Variants in SMYD3 observed in about 807,000 individuals in gnomAD.
SMYD3 encodes the protein SET and MYND domain containing 3, also known as histone-lysine N-methyltransferase SMYD3.
In SMYD3, 36 loss-of-function variants were observed where a neutral mutation model predicts 57.7. The ratio of observed to expected loss-of-function variants is 0.62; its 90% confidence interval spans 0.48 to 0.82. SMYD3 has a LOEUF of 0.82. Among genes scored for constraint, SMYD3 ranks in the 40% least tolerant of loss-of-function variants. The probability of loss-of-function intolerance (pLI) is 0.00; values close to 1 mark genes in which losing one functional copy is unlikely to be tolerated. For missense variants in SMYD3, 515 were observed against 538.8 expected (o/e 0.96, Z 0.44); for synonymous variants, 211 against 195.0 (o/e 1.08, Z -0.68).
intron 1 of SMYD3, among the ~76,000 whole-genome samples, chr1:246,377,097 AAAT>A (rs150240155): frequency 6.6e-6 from 1 of 152,080 alleles, no homozygotes; most frequent in Non-Finnish European, 1.5e-5. Flanking sequence ...CTTTGTCTCA[AAAT>A]AATAATAATA....
intron 5 of SMYD3, among the ~76,000 whole-genome samples, chr1:246,182,268 T>C (rs1250157296): frequency 6.6e-6 from 1 of 152,036 alleles, no homozygotes; most frequent in Non-Finnish European, 1.5e-5. Context: ...CTCCTCGCCA[T>C]CTCCCTTCCT....
At chr1:245,908,369 C>T (rs1258657749) in intron 8 of SMYD3, among the ~76,000 whole-genome samples, 2 of 152,142 alleles carry the variant, frequency 1.3e-5, no homozygotes, top group Non-Finnish European at 2.9e-5. Context: ...ATTATTAGGG[C>T]TAAATAGACA....
Position 245,749,600 on chromosome 1 carries a change from A to C in SMYD3, c.1250T>G (p.Leu417Arg), listed in dbSNP as rs1331325646. ...EHSLIEDLILLLEECDANIRA... is the reference protein window; with the variant it reads ...EHSLIEDLILRLEECDANIRA... ...GATGTTGGCGTCGCATTCTTCTAAA[A>C]GTAGAATCAAATCTTCAATCAGGCT... The change falls in exon 12 of 12, where the codon CTT (leucine) becomes CGT (arginine). Residue 417 changes from leucine (L) to arginine (R), a missense_variant. Physicochemically the swap from Leu to Arg is moderately radical, Grantham distance 102. Coordinates refer to ENST00000490107, the MANE Select transcript of SMYD3 (RefSeq NM_001167740.2). 6.2e-7 allele frequency: 1 copy of C among 1,614,060 alleles called. No homozygotes were observed. Among genetic ancestry groups the C allele is most frequent in the African/African-American group, 1.3e-5 (1 of 74,932 alleles).
Position 246,469,771 on chromosome 1 carries a change from T to C in SMYD3, c.164+37283A>G, listed in dbSNP as rs181504400. 2.8e-4 allele frequency among the ~76,000 whole-genome samples: 43 copies of C among 152,204 alleles called. No individual in the cohort carries two copies. In the East Asian group the frequency reaches 7.7e-3, roughly 27 times the overall value. ...CAATCAATAATAGATGTTAACTCTA[T>C]GGAGGAAAAAAAACTGACGAGGAAT... On this transcript the variant is annotated intron_variant, in intron 1 of 11. Transcript: ENST00000490107.
chr1:246,029,080 G>A (rs2059623663), intron 5 of SMYD3, among the ~76,000 whole-genome samples: 1 of 152,068 alleles, frequency 6.6e-6, no homozygotes, highest in South Asian at 2.1e-4. Flanking sequence ...AACTCAAAAT[G>A]AATTAAAGAT....
At chr1:245,797,543 GTA>G (rs774725572) in intron 10 of SMYD3, among the ~76,000 whole-genome samples, 5 of 130,968 alleles carry the variant, frequency 3.8e-5, no homozygotes, top group East Asian at 5.3e-4. Context: ...GGGGGAGGGG[GTA>G]GGATAGCATT....
intron 5 of SMYD3, among the ~76,000 whole-genome samples, chr1:246,142,658 G>A (rs1276702418): frequency 1.3e-5 from 2 of 152,150 alleles, no homozygotes; most frequent in African/African-American, 4.8e-5. Flanking sequence ...GTGCACGACT[G>A]TAAACCTATG....
Position 245,830,300 on chromosome 1 carries a change from G to A in SMYD3, c.1076+28196C>T, listed in dbSNP as rs143587290. On this transcript the variant is annotated intron_variant, in intron 10 of 11. Transcript: ENST00000490107. ...GCTGGGGAGGCCTCACAATCATGGCGGAAGGCAAAGGAGAAGCAAAGGCAC... is the reference window on the plus strand; with the variant it reads ...GCTGGGGAGGCCTCACAATCATGGCAGAAGGCAAAGGAGAAGCAAAGGCAC... 6.9e-3 allele frequency among the ~76,000 whole-genome samples: 1,050 copies of A among 152,286 alleles called. 15 individuals carry two copies. Among genetic ancestry groups the A allele is most frequent in the African/African-American group, 0.024 (995 of 41,536 alleles).
At chr1:245,908,172 C>T (rs1002304474) in intron 8 of SMYD3, among the ~76,000 whole-genome samples, 11 of 151,452 alleles carry the variant, frequency 7.3e-5, no homozygotes, top group Admixed American at 1.3e-4. Context: ...CAATACTCCA[C>T]GCAAACAGAA....
intron 9 of SMYD3, among the ~76,000 whole-genome samples, chr1:245,858,921 C>T (rs920652665): frequency 5.9e-5 from 9 of 152,100 alleles, no homozygotes; most frequent in Admixed American, 3.9e-4. Context: ...TTAAAACTTC[C>T]AAAGACCTGT....
intron 10 of SMYD3, among the ~76,000 whole-genome samples, chr1:245,781,553 C>T (rs983441374): frequency 1.6e-4 from 25 of 152,282 alleles, no homozygotes; most frequent in African/African-American, 4.6e-4. Context: ...TGCAAGTAAC[C>T]CCATTTCCAT....
intron 5 of SMYD3, among the ~76,000 whole-genome samples, chr1:246,284,809 G>A (rs1488835974): frequency 1.3e-5 from 2 of 152,044 alleles, no homozygotes; most frequent in South Asian, 2.1e-4. Context: ...TGTATTAATA[G>A]GTTTCTAATG....
intron 5 of SMYD3, among the ~76,000 whole-genome samples, chr1:246,001,408 TG>T (rs2059041982): frequency 6.6e-6 from 1 of 152,150 alleles, no homozygotes; most frequent in South Asian, 2.1e-4. Flanking sequence ...AGGGTGCAGA[TG>T]TTTTTGAAAG....
intron 5 of SMYD3, among the ~76,000 whole-genome samples, chr1:246,045,163 C>G (rs1313849976): frequency 6.6e-6 from 1 of 152,086 alleles, no homozygotes; most frequent in Admixed American, 6.6e-5. Context: ...AAAAAGAGCC[C>G]GCATCACCAA....
chr1:245,900,625 T>G (rs1351458652), intron 8 of SMYD3, among the ~76,000 whole-genome samples: 1 of 152,198 alleles, frequency 6.6e-6, no homozygotes, highest in Middle Eastern at 3.2e-3. Context: ...AAGCTACGTT[T>G]AGTTGGGCTA....
chr1:245,923,698 C>G (rs1187227771), intron 7 of SMYD3, among the ~76,000 whole-genome samples: 9 of 152,182 alleles, frequency 5.9e-5, no homozygotes, highest in South Asian at 2.1e-4. Flanking sequence ...TCCACTCCCT[C>G]CCCTTACTAA....
intron 1 of SMYD3, among the ~76,000 whole-genome samples, chr1:246,381,735 C>T (rs2066388872): frequency 6.6e-6 from 1 of 152,346 alleles, no homozygotes; most frequent in East Asian, 1.9e-4. Flanking sequence ...TCAACCAGGC[C>T]TTCAACACCA....
At chr1:246,102,631 G>C (rs1313809121) in intron 5 of SMYD3, among the ~76,000 whole-genome samples, 1 of 152,046 alleles carries the variant, frequency 6.6e-6, no homozygotes, top group African/African-American at 2.4e-5. Flanking sequence ...TTCTAGGCCA[G>C]GCATGGTGGC....
At chr1:246,303,476 A>C (rs2064928959) in intron 5 of SMYD3, among the ~76,000 whole-genome samples, 1 of 152,206 alleles carries the variant, frequency 6.6e-6, no homozygotes, top group Non-Finnish European at 1.5e-5. Flanking sequence ...TGTATACTTT[A>C]AATCTATACA....
Sources: gnomAD v4.1 joint callset for allele counts (sites outside exome capture counted in the v4.1 genomes callset) on GRCh38, gnomAD v4.1.1 for gene constraint, MANE v1.5 for transcripts, NCBI Gene and HGNC (gene_info 2026-07-23, HGNC 2026-07-21) for gene names.